Variants in RBFOX3 observed in about 807,000 individuals in gnomAD.
RBFOX3 encodes the protein RNA binding protein fox-1 homolog 3.
RBFOX3 carries 17 observed loss-of-function variants against 48.7 expected under a neutral mutation model. The observed-to-expected ratio is 0.35, with a 90% CI of 0.24 to 0.52. RBFOX3 has a LOEUF of 0.52. RBFOX3 is among the 20% of genes least tolerant of loss of function. The pLI is 0.94. For missense variants in RBFOX3, 382 were observed against 497.5 expected, an observed-to-expected ratio of 0.77 and a Z score of 2.21; for synonymous variants, 212 against 209.5, an observed-to-expected ratio of 1.01 and a Z score of -0.10.
At chr17:79,233,190 A>G (rs2061237791) in intron 4 of RBFOX3, among the ~76,000 whole-genome samples, 1 of 152,254 alleles carries the variant, frequency 6.6e-6, no homozygotes, top group African/African-American at 2.4e-5. Context: ...AAGTATATCT[A>G]TGTCCAACAT....
At chr17:79,493,596 C>T (rs1227109862) in intron 1 of RBFOX3, among the ~76,000 whole-genome samples, 18 of 152,304 alleles carry the variant, frequency 1.2e-4, no homozygotes, top group African/African-American at 4.3e-4. Flanking sequence ...GTCCCCAACC[C>T]CAGTTTCCCG....
intron 4 of RBFOX3, among the ~76,000 whole-genome samples, chr17:79,172,704 A>C (rs1456632115): frequency 6.6e-6 from 1 of 152,284 alleles, no homozygotes; most frequent in South Asian, 2.1e-4. Context: ...CCATATGACT[A>C]TGGGTCCTGG....
At position 79,591,882 on chromosome 17, in the gene RBFOX3, C is replaced by T. The variant is rs12939806; in HGVS notation, c.-320+18944G>A. 2.4e-4 allele frequency among the ~76,000 whole-genome samples: 33 copies of T among 138,184 alleles called. 1 individual carries two copies. The highest frequency in any genetic ancestry group is 9.3e-4 in the African/African-American group (32 of 34,534). The allele number at this position is 138,184 out of a possible 152,430, so 90.7% of individuals were successfully genotyped here. ...TGGAGGGTGTGTGGAGGCATGTGCACGTGTGGAGGGTGTGTGGAGGGGTGT... is the reference window on the plus strand; with the variant it reads ...TGGAGGGTGTGTGGAGGCATGTGCATGTGTGGAGGGTGTGTGGAGGGGTGT... On this transcript the variant is annotated intron_variant, in intron 1 of 14. Coordinates refer to ENST00000693108, the MANE Select transcript of RBFOX3 (RefSeq NM_001350451.2).
intron 2 of RBFOX3, among the ~76,000 whole-genome samples, chr17:79,452,778 C>T (rs983120776): frequency 5.3e-5 from 8 of 152,170 alleles, no homozygotes; most frequent in African/African-American, 4.8e-5. Context: ...GAAGCAGGCC[C>T]GGCAGGGTCA....
chr17:79,533,158 T>C (rs533706470), intron 1 of RBFOX3, among the ~76,000 whole-genome samples: 8 of 152,368 alleles, frequency 5.3e-5, no homozygotes, highest in Admixed American at 4.6e-4. Flanking sequence ...AAGAACCAGC[T>C]GGTGGGCAGC....
chr17:79,310,638 G>T lies in RBFOX3; in HGVS notation c.-174-2814C>A, dbSNP rs572622176. ...CTCCTGCAGGCTCACAGAGGAGAAGGACCTCCACCCTCCTCCCGCATTCCC... is the reference window on the plus strand; with the variant it reads ...CTCCTGCAGGCTCACAGAGGAGAAGTACCTCCACCCTCCTCCCGCATTCCC... On this transcript the variant is annotated intron_variant, in intron 2 of 14. Transcript: ENST00000693108. Among the ~76,000 whole-genome samples the T allele has an allele frequency of 9.2e-5, 14 of 152,250 alleles. No individual in the cohort carries two copies. In the South Asian group the frequency reaches 2.9e-3, roughly 32 times the overall value.
At chr17:79,503,451 G>A (rs1425313005) in intron 1 of RBFOX3, among the ~76,000 whole-genome samples, 2 of 152,184 alleles carry the variant, frequency 1.3e-5, no homozygotes, top group African/African-American at 4.8e-5. Flanking sequence ...TGTATTTAAC[G>A]TAATATATTC....
At chr17:79,557,739 C>T (rs970702162) in intron 1 of RBFOX3, among the ~76,000 whole-genome samples, 7 of 152,334 alleles carry the variant, frequency 4.6e-5, no homozygotes, top group East Asian at 1.9e-4. Context: ...CAAAGGCTAA[C>T]GGCAGATGTC....
the RBFOX3 span, among the ~76,000 whole-genome samples, chr17:79,662,827 G>A: frequency 1.3e-5 from 2 of 152,182 alleles, no homozygotes; most frequent in Non-Finnish European, 2.9e-5. Context: ...CATCTGTGGA[G>A]TGGCTGAGGA....
chr17:79,521,085 G>A (rs1231793260), intron 1 of RBFOX3, among the ~76,000 whole-genome samples: 1 of 152,148 alleles, frequency 6.6e-6, no homozygotes, highest in Non-Finnish European at 1.5e-5. Flanking sequence ...AAAGAGGATG[G>A]GGGGCATGAG....
intron 3 of RBFOX3, among the ~76,000 whole-genome samples, chr17:79,280,976 G>A (rs1293062738): frequency 1.3e-5 from 2 of 152,186 alleles, no homozygotes; most frequent in African/African-American, 4.8e-5. Flanking sequence ...AAGCGAGCAC[G>A]TGGGTGAGGA....
At chr17:79,215,182 C>T (rs2058866890) in intron 4 of RBFOX3, among the ~76,000 whole-genome samples, 1 of 152,196 alleles carries the variant, frequency 6.6e-6, no homozygotes, top group Non-Finnish European at 1.5e-5. Flanking sequence ...GTGCTGGCCC[C>T]CGCAGGGCTC....
intron 1 of RBFOX3, among the ~76,000 whole-genome samples, chr17:79,542,731 T>C (rs1041722812): frequency 6.6e-6 from 1 of 152,140 alleles, no homozygotes; most frequent in African/African-American, 2.4e-5. Context: ...TGCAGTGAGA[T>C]GAGATCACAC....
the RBFOX3 span, among the ~76,000 whole-genome samples, chr17:79,621,230 C>T: frequency 6.6e-6 from 1 of 152,010 alleles, no homozygotes. Context: ...AACTCCTGAC[C>T]TCAGGTGATC....
the RBFOX3 span, among the ~76,000 whole-genome samples, chr17:79,646,677 G>A: frequency 1.3e-5 from 2 of 152,098 alleles, no homozygotes; most frequent in Admixed American, 1.3e-4. Flanking sequence ...GGTGAGATTT[G>A]GGTGGGGGCA....
intron 2 of RBFOX3, among the ~76,000 whole-genome samples, chr17:79,464,881 G>A (rs1206401430): frequency 1.3e-5 from 2 of 152,214 alleles, no homozygotes; most frequent in Non-Finnish European, 2.9e-5. Flanking sequence ...CTCAGTCCCT[G>A]CAGAAGCTCA....
chr17:79,530,746 G>T (rs2087616798), intron 1 of RBFOX3, among the ~76,000 whole-genome samples: 1 of 152,234 alleles, frequency 6.6e-6, no homozygotes, highest in Non-Finnish European at 1.5e-5. Flanking sequence ...AATCACCACA[G>T]TGTGATGTTC....
intron 1 of RBFOX3, among the ~76,000 whole-genome samples, chr17:79,582,885 T>A (rs1041170885): frequency 6.6e-6 from 1 of 150,988 alleles, no homozygotes; most frequent in East Asian, 1.9e-4. Context: ...TGTGTTTAGA[T>A]GCTCGTTCCT....
intron 3 of RBFOX3, among the ~76,000 whole-genome samples, chr17:79,271,072 A>G (rs550866875): frequency 2.2e-4 from 25 of 114,916 alleles, no homozygotes; most frequent in African/African-American, 7.8e-4. Context: ...TTAAAAATTC[A>G]TAAGATTTTT....
Sources: gnomAD v4.1 joint callset for allele counts (sites outside exome capture counted in the v4.1 genomes callset) on GRCh38, gnomAD v4.1.1 for gene constraint, MANE v1.5 for transcripts, NCBI Gene and HGNC (gene_info 2026-07-23, HGNC 2026-07-21) for gene names.